The following MBNL1 variants were observed in gnomAD, a reference collection of about 807,000 sequenced individuals.
The protein encoded by MBNL1 is muscleblind-like protein 1.
In MBNL1, 8 loss-of-function variants were observed where a neutral mutation model predicts 42.2. That is an observed-to-expected ratio of 0.19 (90% CI 0.11 to 0.34). The LOEUF is 0.34. Ranked by LOEUF, MBNL1 falls within the 10% of genes least tolerant of loss-of-function variation. MBNL1 has a pLI of 1.00. For synonymous variants in MBNL1, 169 were observed against 173.9 expected, an observed-to-expected ratio of 0.97 and a Z score of 0.22; for missense variants, 309 against 495.3, an observed-to-expected ratio of 0.62 and a Z score of 3.57.
At chr3:152,423,800 T>C (rs895387187) in intron 3 of MBNL1, among the ~76,000 whole-genome samples, 2 of 152,132 alleles carry the variant, frequency 1.3e-5, no homozygotes, top group Non-Finnish European at 2.9e-5. Context: ...ATAAACATAA[T>C]CCATCACATA....
intron 2 of MBNL1, among the ~76,000 whole-genome samples, chr3:152,377,553 A>G (rs1013898581): frequency 6.6e-6 from 1 of 152,234 alleles, no homozygotes; most frequent in Non-Finnish European, 1.5e-5. Flanking sequence ...AGAACTGTGT[A>G]TAGTACACAT....
intron 2 of MBNL1, among the ~76,000 whole-genome samples, chr3:152,351,721 T>C (rs2152993661): frequency 6.6e-6 from 1 of 152,324 alleles, no homozygotes; most frequent in South Asian, 2.1e-4. Context: ...CAAGTTACTA[T>C]AAGCTGTAGT....
intron 1 of MBNL1, among the ~76,000 whole-genome samples, chr3:152,271,373 G>A (rs2041737727): frequency 6.6e-6 from 1 of 152,130 alleles, no homozygotes; most frequent in Non-Finnish European, 1.5e-5. Context: ...ATTTCTCATT[G>A]AGGAAGGGTG....
intron 2 of MBNL1, among the ~76,000 whole-genome samples, chr3:152,360,803 A>G (rs1345758799): frequency 6.6e-6 from 1 of 152,200 alleles, no homozygotes; most frequent in Non-Finnish European, 1.5e-5. Context: ...ACTCTCCGTC[A>G]TATACATTTT....
chr3:152,449,603 T>C (rs1717814828), intron 6 of MBNL1, among the ~76,000 whole-genome samples: 1 of 152,186 alleles, frequency 6.6e-6, no homozygotes, highest in Non-Finnish European at 1.5e-5. Context: ...TGTCTGTGGA[T>C]AGAGCCAAAG....
intron 2 of MBNL1, among the ~76,000 whole-genome samples, chr3:152,326,431 G>T (rs2080131132): frequency 6.6e-6 from 1 of 152,062 alleles, no homozygotes. Context: ...AATCAGATTG[G>T]CCTGGGCCAA....
chr3:152,420,930 T>C (rs1036370447), intron 3 of MBNL1, among the ~76,000 whole-genome samples: 1 of 152,122 alleles, frequency 6.6e-6, no homozygotes, highest in African/African-American at 2.4e-5. Context: ...ATAAATGACC[T>C]GATGGAGGTG....
intron 2 of MBNL1, among the ~76,000 whole-genome samples, chr3:152,301,705 C>T (rs962729261): frequency 1.3e-5 from 2 of 152,184 alleles, no homozygotes; most frequent in African/African-American, 4.8e-5. Flanking sequence ...TTTCTTCACC[C>T]TTTCCTTTGA....
chr3:152,450,140 A>AAT (rs972658977), intron 6 of MBNL1, among the ~76,000 whole-genome samples: 24 of 151,318 alleles, frequency 1.6e-4, no homozygotes, highest in African/African-American at 4.6e-4. Context: ...AACAACAACA[A>AAT]ATATATATAC....
intron 8 of MBNL1, chr3:152,458,052 C>T: frequency 8.5e-7 from 1 of 1,175,598 alleles, no homozygotes; most frequent in Non-Finnish European, 1.3e-6. Flanking sequence ...AAAATGCAGC[C>T]TGCATGCATG....
At chr3:152,458,691 A>G (rs572372308) in intron 8 of MBNL1, 1 of 156,560 alleles carries the variant, frequency 6.4e-6, no homozygotes, top group South Asian at 1.9e-4. Context: ...TTTTCTCTCA[A>G]GTTCTCTAAT....
At chr3:152,441,652 C>G (rs1276373316) in intron 4 of MBNL1, among the ~76,000 whole-genome samples, 1 of 152,128 alleles carries the variant, frequency 6.6e-6, no homozygotes, top group Non-Finnish European at 1.5e-5. Context: ...GGAAATAGAA[C>G]TTAAATGTTT....
At chr3:152,260,050 C>G (rs1388511471) in intron 2 of MBNL1, among the ~76,000 whole-genome samples, 1 of 152,064 alleles carries the variant, frequency 6.6e-6, no homozygotes, top group Non-Finnish European at 1.5e-5. Flanking sequence ...GTTTTTCTTA[C>G]CATGTAGCCT....
At chr3:152,379,116 T>A (rs1659721999) in intron 2 of MBNL1, among the ~76,000 whole-genome samples, 1 of 152,216 alleles carries the variant, frequency 6.6e-6, no homozygotes, top group African/African-American at 2.4e-5. Flanking sequence ...ACAAATAATC[T>A]CAAACTAGAT....
chr3:152,318,547 C>A (rs997495925), intron 2 of MBNL1, among the ~76,000 whole-genome samples: 1 of 152,098 alleles, frequency 6.6e-6, no homozygotes, highest in Non-Finnish European at 1.5e-5. Context: ...TGGTTCTAAA[C>A]TGCATTTGAA....
intron 2 of MBNL1, among the ~76,000 whole-genome samples, chr3:152,315,866 ACTCTCTCTCTCTCTCTCT>A (rs113762203): frequency 1.3e-5 from 2 of 149,092 alleles, no homozygotes; most frequent in Admixed American, 1.3e-4. Context: ...ACACACACAC[ACTCTCTCTCTCTCTCTCT>A]CTCACTCCTC....
chr3:152,390,913 G>A (rs1271128981), intron 2 of MBNL1, among the ~76,000 whole-genome samples: 1 of 152,174 alleles, frequency 6.6e-6, no homozygotes, highest in Non-Finnish European at 1.5e-5. Context: ...CCTTTGAAGT[G>A]CAGTGATGTG....
At chr3:152,335,162 G>A (rs1578161538) in intron 2 of MBNL1, 1 of 1,289,642 alleles carries the variant, frequency 7.8e-7, no homozygotes, top group Non-Finnish European at 1.0e-6. Context: ...CCTTTTCATG[G>A]CACCATGGCA....
At chr3:152,425,924 A>G (rs1461732572) in intron 3 of MBNL1, among the ~76,000 whole-genome samples, 1 of 152,246 alleles carries the variant, frequency 6.6e-6, no homozygotes, top group African/African-American at 2.4e-5. Context: ...ACAATTCACA[A>G]TAGCAATGAC....
Sources: gnomAD v4.1 joint callset for allele counts (sites outside exome capture counted in the v4.1 genomes callset) on GRCh38, gnomAD v4.1.1 for gene constraint, MANE v1.5 for transcripts, NCBI Gene and HGNC (gene_info 2026-07-23, HGNC 2026-07-21) for gene names.